Variants in ERC1 observed in about 807,000 individuals in gnomAD.
ERC1 encodes RAB6 interacting protein 2.
A neutral mutation model predicts 132.0 loss-of-function variants in ERC1; 56 were observed. That is an observed-to-expected ratio of 0.42 (90% CI 0.34 to 0.53). ERC1 has a LOEUF of 0.53. ERC1 is among the 20% of genes least tolerant of loss of function. The pLI, the probability that ERC1 is intolerant of heterozygous loss-of-function variation, is 0.03. For synonymous variants in ERC1, 478 were observed against 476.1 expected (o/e 1.00, Z -0.05); for missense variants, 1,202 against 1,349.9 (o/e 0.89, Z 1.72).
chr12:1,396,239 G>A (rs1046576055), intron 16 of ERC1, among the ~76,000 whole-genome samples: 1 of 152,054 alleles, frequency 6.6e-6, no homozygotes, highest in African/African-American at 2.4e-5. Context: ...ATCTATTTTT[G>A]TTTAATACAA....
intron 18 of ERC1, among the ~76,000 whole-genome samples, chr12:1,446,410 A>C (rs2093304870): frequency 6.6e-6 from 1 of 152,206 alleles, no homozygotes; most frequent in Non-Finnish European, 1.5e-5. Context: ...TTACTGATAG[A>C]AGTCAGTGAT....
At chr12:1,247,066 T>A (rs2076198982) in intron 13 of ERC1, among the ~76,000 whole-genome samples, 1 of 141,736 alleles carries the variant, frequency 7.1e-6, no homozygotes, top group African/African-American at 2.8e-5. Context: ...GAGTTTGAGG[T>A]TGCAGTGAGC....
intron 12 of ERC1, 185 bp downstream of exon 12, chr12:1,190,237 A>AC (rs1263769444): frequency 8.2e-6 from 6 of 735,730 alleles, no homozygotes; most frequent in Non-Finnish European, 1.5e-5. Flanking sequence ...CTGAAAGGCA[A>AC]CATAGAATGG....
chr12:996,179 C>T (rs1370318944), intron 1 of ERC1, among the ~76,000 whole-genome samples: 1 of 148,138 alleles, frequency 6.8e-6, no homozygotes, highest in African/African-American at 2.5e-5. Context: ...ATCTCCGCCT[C>T]CTGGGTTCAC....
At chr12:1,182,456 G>T (rs1393876561) in intron 10 of ERC1, among the ~76,000 whole-genome samples, 1 of 152,162 alleles carries the variant, frequency 6.6e-6, no homozygotes, top group Non-Finnish European at 1.5e-5. Context: ...TATTAAATTA[G>T]GTGACTTAAT....
intron 16 of ERC1, among the ~76,000 whole-genome samples, chr12:1,381,615 C>A (rs1385101112): frequency 6.6e-6 from 1 of 152,206 alleles, no homozygotes; most frequent in Non-Finnish European, 1.5e-5. Flanking sequence ...ACTTCTTCCT[C>A]TGAACCATTA....
chr12:1,186,339 G>A (rs1410141487), intron 11 of ERC1, among the ~76,000 whole-genome samples: 3 of 152,168 alleles, frequency 2.0e-5, no homozygotes, highest in African/African-American at 4.8e-5. Context: ...GTAATCTTAC[G>A]TGTTTTACTA....
intron 1 of ERC1, among the ~76,000 whole-genome samples, chr12:1,025,138 C>G (rs1966843611): frequency 6.6e-6 from 1 of 152,074 alleles, no homozygotes; most frequent in Admixed American, 6.6e-5. Flanking sequence ...CAAGGGACAA[C>G]TGCCTGTGGT....
intron 8 of ERC1, among the ~76,000 whole-genome samples, chr12:1,177,526 CAG>C (rs1286964403): frequency 1.3e-5 from 2 of 152,088 alleles, no homozygotes; most frequent in East Asian, 1.9e-4. Context: ...AAGGCTGACA[CAG>C]AGGGAGAGAG....
At chr12:1,280,081 A>G (rs528444692) in intron 14 of ERC1, among the ~76,000 whole-genome samples, 4 of 152,308 alleles carry the variant, frequency 2.6e-5, no homozygotes, top group African/African-American at 9.6e-5. Context: ...TGGTGGATCT[A>G]TACCAAGGGA....
chr12:1,264,952 C>A (rs983173563), intron 14 of ERC1, among the ~76,000 whole-genome samples: 8 of 152,086 alleles, frequency 5.3e-5, no homozygotes, highest in African/African-American at 1.7e-4. Flanking sequence ...GATATGGTTT[C>A]TTTTGTGTCA....
chr12:1,358,332 A>G (rs2085742747), intron 15 of ERC1, among the ~76,000 whole-genome samples: 1 of 151,916 alleles, frequency 6.6e-6, no homozygotes, highest in Non-Finnish European at 1.5e-5. Flanking sequence ...CAACATTATG[A>G]GTGCCTGCAA....
At chr12:1,236,640 AT>A in intron 12 of ERC1, 128 bp from the exon 13 acceptor site, 1 of 878,972 alleles carries the variant, frequency 1.1e-6, no homozygotes, top group African/African-American at 1.7e-5. Flanking sequence ...TTGTTGAAAA[AT>A]TTCGCAGCAT....
intron 18 of ERC1, among the ~76,000 whole-genome samples, chr12:1,485,041 CCTGA>C (rs1430711400): frequency 2.7e-5 from 4 of 150,878 alleles, no homozygotes; most frequent in Non-Finnish European, 5.9e-5. Flanking sequence ...CACAACCACA[CCTGA>C]CTAATTTTTT....
Position 1,413,941 on chromosome 12 carries a change from G to A in ERC1, c.3024+5694G>A, listed in dbSNP as rs149356515. Among the ~76,000 whole-genome samples, 279 of 152,298 alleles carry A rather than the reference G, an allele frequency of 1.8e-3. 1 individual carries two copies. The highest frequency in any genetic ancestry group is 0.01 in the East Asian group (54 of 5,182). On this transcript the variant is annotated intron_variant, in intron 17 of 18. Transcript: ENST00000360905. ...GACAGTTTTTCCACAACGGGGGCTT[G>A]GGGAAGATGGCTTCACAATGAAACT...
At chr12:1,425,295 A>C in intron 17 of ERC1, among the ~76,000 whole-genome samples, 1 of 152,230 alleles carries the variant, frequency 6.6e-6, no homozygotes, top group Admixed American at 6.5e-5. Flanking sequence ...GCATAGCCAC[A>C]TCTCTTGTGG....
chr12:1,189,005 AC>A (rs1444706335), intron 11 of ERC1, among the ~76,000 whole-genome samples: 3 of 152,162 alleles, frequency 2.0e-5, no homozygotes, highest in Admixed American at 6.5e-5. Context: ...ATATTAGTTG[AC>A]TTTTGTAGGA....
intron 2 of ERC1, among the ~76,000 whole-genome samples, chr12:1,082,235 C>T (rs1265059852): frequency 6.6e-6 from 1 of 152,046 alleles, no homozygotes; most frequent in Admixed American, 6.6e-5. Flanking sequence ...ACCACGTTGG[C>T]CAGGCTGGTC....
intron 14 of ERC1, among the ~76,000 whole-genome samples, chr12:1,288,076 G>C (rs1204819880): frequency 6.6e-6 from 1 of 152,162 alleles, no homozygotes; most frequent in Non-Finnish European, 1.5e-5. Flanking sequence ...TGAACCTGTA[G>C]ATCAGTATAG....
Sources: gnomAD v4.1 joint callset for allele counts (sites outside exome capture counted in the v4.1 genomes callset) on GRCh38, gnomAD v4.1.1 for gene constraint, MANE v1.5 for transcripts, NCBI Gene and HGNC (gene_info 2026-07-23, HGNC 2026-07-21) for gene names.